The following DNAI7 variants were observed in gnomAD, a reference collection of about 807,000 sequenced individuals.
The protein encoded by DNAI7 is dynein axonemal intermediate chain 7.
In DNAI7, 78 loss-of-function variants were observed where a neutral mutation model predicts 86.6. That is an observed-to-expected ratio of 0.90 (90% CI 0.75 to 1.09). The LOEUF (loss-of-function observed/expected upper bound fraction) is 1.09, where lower values mean the gene tolerates loss of function less well. Ranked by LOEUF, DNAI7 falls within the 50% of genes least tolerant of loss-of-function variation. The probability of loss-of-function intolerance (pLI) is 0.00; values close to 1 mark genes in which losing one functional copy is unlikely to be tolerated. For missense variants in DNAI7, 753 were observed against 810.2 expected, an observed-to-expected ratio of 0.93 and a Z score of 0.86; for synonymous variants, 274 against 273.0, an observed-to-expected ratio of 1.00 and a Z score of -0.04.
chr12:25,159,860 CTCTA>C (rs1946636021), intron 3 of DNAI7, among the ~76,000 whole-genome samples: 1 of 152,006 alleles, frequency 6.6e-6, no homozygotes, highest in South Asian at 2.1e-4. Context: ...TTTTAAAAAC[CTCTA>C]TCTAAATACT....
At chr12:25,147,238 G>T in intron 7 of DNAI7, 134 bp from the exon 8 acceptor site, 2 of 532,962 alleles carry the variant, frequency 3.8e-6, no homozygotes, top group African/African-American at 2.0e-5. Context: ...GTAAAAATAA[G>T]GTTCAATCAA....
At position 25,144,784 on chromosome 12, in the gene DNAI7, A is replaced by G. The variant is rs987889047; in HGVS notation, c.690-107T>C. ...TTCTCTTCACTTTAATTTTGCTCCA[A>G]TTTTGACTCTGATCATATGTGCTTT... On this transcript the variant is annotated intron_variant, in intron 8 of 15. Coordinates refer to ENST00000395987, the MANE Select transcript of DNAI7 (RefSeq NM_018272.5). The G allele has an allele frequency of 4.2e-5, 35 of 828,490 alleles. No homozygotes were observed. The East Asian group carries it at 4.3e-4, about 10-fold the overall frequency. The allele number at this position is 828,490 out of a possible 1,614,324, so 51.3% of individuals were successfully genotyped here. A position where few individuals can be genotyped will look rare whatever the true frequency, so the allele number is the denominator to read the frequency against.
intron 9 of DNAI7, among the ~76,000 whole-genome samples, chr12:25,136,042 G>A (rs372917878): frequency 1.6e-4 from 25 of 152,222 alleles, no homozygotes; most frequent in African/African-American, 4.3e-4. Context: ...CCACACTACC[G>A]CAGCTGATGC....
At chr12:25,186,754 A>T (rs147390671) in intron 2 of DNAI7, among the ~76,000 whole-genome samples, 77 of 152,328 alleles carry the variant, frequency 5.1e-4, no homozygotes, top group Non-Finnish European at 1.0e-3. Context: ...ATTGTGACAG[A>T]GGAGGATGCA....
intron 2 of DNAI7, among the ~76,000 whole-genome samples, chr12:25,184,361 A>G (rs1949831375): frequency 6.6e-6 from 1 of 151,874 alleles, no homozygotes; most frequent in African/African-American, 2.4e-5. Context: ...CACTTCATAT[A>G]ACTGTAATCA....
chr12:25,108,386 A>T lies in DNAI7; in HGVS notation c.*162T>A. On this transcript the variant is annotated 3_prime_UTR_variant, in exon 16 of 16. Coordinates refer to ENST00000395987, the MANE Select transcript of DNAI7 (RefSeq NM_018272.5). ...AGGCCAAGTATTCAAAGGAAAAAAA[A>T]ATACTGTTTTTAAAATAAAACTTGA... is the stretch of plus-strand genomic sequence containing the variant. 3.1e-6 allele frequency: 2 copies of T among 654,984 alleles called. No individual in the cohort carries two copies. The highest frequency in any genetic ancestry group is 5.8e-5 in the South Asian group (2 of 34,490). 40.6% of individuals were successfully genotyped at this position (654,984 alleles called of 1,614,324 possible). A position where few individuals can be genotyped will look rare whatever the true frequency, so the allele number is the denominator to read the frequency against.
chr12:25,153,225 C>G (rs1239054745), intron 6 of DNAI7, among the ~76,000 whole-genome samples: 1 of 152,088 alleles, frequency 6.6e-6, no homozygotes, highest in Non-Finnish European at 1.5e-5. Flanking sequence ...AGTTTGAGAC[C>G]ATCCTGGCCA....
intron 9 of DNAI7, among the ~76,000 whole-genome samples, chr12:25,138,230 A>G (rs1943774298): frequency 6.6e-6 from 1 of 152,190 alleles, no homozygotes; most frequent in South Asian, 2.1e-4. Flanking sequence ...TTTGGAGGCC[A>G]AGACGGGTGG....
At position 25,155,368 on chromosome 12, in the gene DNAI7, T is replaced by C. The variant is rs950751664; in HGVS notation, c.243A>G (p.Leu81=). 1.4e-5 allele frequency: 22 copies of C among 1,608,682 alleles called. No homozygotes were observed. The highest frequency in any genetic ancestry group is 1.8e-5 in the Non-Finnish European group (21 of 1,176,656). ...RNEELEELYL[L]ERCFPEAEKL... ...TCTCTGCTTCAGGAAAACACCTCTC[T>C]AATAAATAAAGTTCTTCAAGTTCTT... The change falls in exon 5 of 16, where the codon TTA becomes TTG. Residue 81 remains leucine, a synonymous_variant. Coordinates refer to ENST00000395987, the MANE Select transcript of DNAI7 (RefSeq NM_018272.5).
chr12:25,112,399 GTTTTT>G (rs10602859), intron 13 of DNAI7, among the ~76,000 whole-genome samples: 23 of 104,278 alleles, frequency 2.2e-4, no homozygotes, highest in African/African-American at 9.2e-4. Context: ...TTCACATCTG[GTTTTT>G]TTTTTTTTTT....
chr12:25,191,980 A>T (rs949875022), intron 1 of DNAI7, among the ~76,000 whole-genome samples: 14 of 152,242 alleles, frequency 9.2e-5, no homozygotes. Context: ...AGTTCAACCC[A>T]TAAGATTATA....
At chr12:25,121,660 G>T in intron 11 of DNAI7, 93 bp downstream of exon 11, 1 of 1,061,230 alleles carries the variant, frequency 9.4e-7, no homozygotes, top group Non-Finnish European at 1.4e-6. Context: ...TGTTTAATAA[G>T]GTTAAAGCTT....
chr12:25,121,921 TA>T lies in DNAI7; in HGVS notation c.1079-9del. On this transcript the variant is annotated splice_polypyrimidine_tract_variant and intron_variant, in intron 10 of 15. Transcript: ENST00000395987. ...CTACCAGCAACAACTGTGCTAAAAT[TA>T]ATCAGATTAACAGTTTTCAAATAGA... 6.4e-7 allele frequency: 1 copy of T among 1,558,498 alleles called. No individual in the cohort carries two copies. The highest frequency in any genetic ancestry group is 8.6e-7 in the Non-Finnish European group (1 of 1,156,508).
At chr12:25,120,875 A>T (rs1941190390) in intron 11 of DNAI7, among the ~76,000 whole-genome samples, 1 of 152,240 alleles carries the variant, frequency 6.6e-6, no homozygotes, top group South Asian at 2.1e-4. Flanking sequence ...CATTGGCATC[A>T]TGTGGACTGG....
At chr12:25,161,092 G>T (rs375087283) in intron 3 of DNAI7, 21 bp downstream of exon 3, 3 of 1,572,566 alleles carry the variant, frequency 1.9e-6, no homozygotes, top group African/African-American at 1.3e-5. Context: ...TAGGTAAATA[G>T]TATCACTATT....
At chr12:25,155,499 T>C (rs1387716651) in intron 4 of DNAI7, 87 bp from the exon 5 acceptor site, 2 of 581,810 alleles carry the variant, frequency 3.4e-6, no homozygotes, top group East Asian at 3.0e-5. Context: ...CGTGGCTAAA[T>C]ATATAACTGC....
chr12:25,123,121 TG>T, intron 10 of DNAI7, 89 bp downstream of exon 10: 1 of 804,682 alleles, frequency 1.2e-6, no homozygotes, highest in Non-Finnish European at 1.9e-6. Flanking sequence ...ATTTTTGCAA[TG>T]TCTGAATTTT....
At chr12:25,127,548 T>C (rs1942320564) in intron 9 of DNAI7, among the ~76,000 whole-genome samples, 1 of 152,180 alleles carries the variant, frequency 6.6e-6, no homozygotes, top group African/African-American at 2.4e-5. Context: ...TTAAAGTAAA[T>C]AACAATTTCT....
At chr12:25,122,218 G>A (rs757539331) in intron 10 of DNAI7, among the ~76,000 whole-genome samples, 8 of 152,100 alleles carry the variant, frequency 5.3e-5, no homozygotes, top group South Asian at 2.1e-4. Context: ...ACTACTTTGC[G>A]AGGCTGAGGT....
Sources: allele counts gnomAD v4.1 joint callset (sites outside exome capture counted in the v4.1 genomes callset), GRCh38; gene constraint gnomAD v4.1.1; transcripts MANE v1.5; gene names NCBI Gene and HGNC (gene_info 2026-07-23, HGNC 2026-07-21).